Variants in LRRC4C observed in about 807,000 individuals in gnomAD.
LRRC4C encodes the protein leucine rich repeat containing 4C, also known as leucine-rich repeat-containing protein 4C.
LRRC4C carries 5 observed loss-of-function variants against 33.6 expected under a neutral mutation model. The ratio of observed to expected loss-of-function variants is 0.15; its 90% CI spans 0.08 to 0.31. The LOEUF (loss-of-function observed/expected upper bound fraction) is 0.31, where lower values mean the gene tolerates loss of function less well. LRRC4C is among the 10% of genes least tolerant of loss of function. LRRC4C has a pLI of 1.00. For missense variants in LRRC4C, 560 were observed against 796.7 expected, an observed-to-expected ratio of 0.70 and a Z score of 3.58; for synonymous variants, 329 against 302.0, an observed-to-expected ratio of 1.09 and a Z score of -0.93.
intron 3 of LRRC4C, among the ~76,000 whole-genome samples, chr11:40,494,489 G>T (rs1332131296): frequency 6.6e-6 from 1 of 151,872 alleles, no homozygotes; most frequent in African/African-American, 2.4e-5. Context: ...TTATATACTG[G>T]GTACCACCAT....
chr11:40,661,443 C>T (rs917482265), intron 2 of LRRC4C, among the ~76,000 whole-genome samples: 1 of 152,138 alleles, frequency 6.6e-6, no homozygotes, highest in Non-Finnish European at 1.5e-5. Context: ...TAAGGAAAAT[C>T]ATATCTATTT....
rs557622751 is a variant in LRRC4C, at chr11:41,135,725, C to T, written c.-495-202002G>A. Reference sequence around the variant, plus strand: ...TCAATAAAAGTGACAACACTTATGCCTTCGTTCTACCTTACTGCTCACTGA... The same window carrying T: ...TCAATAAAAGTGACAACACTTATGCTTTCGTTCTACCTTACTGCTCACTGA... On this transcript the variant is annotated intron_variant, in intron 1 of 6. Transcript: ENST00000528697. 3.3e-5 allele frequency among the ~76,000 whole-genome samples: 5 copies of T among 152,280 alleles called. No homozygotes were observed. In the South Asian group the frequency reaches 1.0e-3, roughly 32 times the overall value.
chr11:40,956,415 G>A (rs925166201), intron 1 of LRRC4C, among the ~76,000 whole-genome samples: 8 of 151,676 alleles, frequency 5.3e-5, no homozygotes, highest in African/African-American at 1.9e-4. Context: ...ATTAATTTCT[G>A]GCAGTCCTTT....
chr11:40,478,364 T>A (rs1953357752), intron 3 of LRRC4C, among the ~76,000 whole-genome samples: 1 of 152,194 alleles, frequency 6.6e-6, no homozygotes. Context: ...TGGCAAGAAC[T>A]TATACTTGAC....
At chr11:41,359,450 G>A (rs940721331) in intron 1 of LRRC4C, among the ~76,000 whole-genome samples, 2 of 152,090 alleles carry the variant, frequency 1.3e-5, no homozygotes, top group Non-Finnish European at 2.9e-5. Flanking sequence ...AGGACAGGGG[G>A]TACATGGGAC....
intron 3 of LRRC4C, among the ~76,000 whole-genome samples, chr11:40,630,602 A>C (rs1011310739): frequency 6.6e-6 from 1 of 152,128 alleles, no homozygotes; most frequent in African/African-American, 2.4e-5. Flanking sequence ...TAAATAAATT[A>C]TCTGAGTTTA....
At chr11:40,571,482 T>C (rs1469081918) in intron 3 of LRRC4C, among the ~76,000 whole-genome samples, 1 of 152,098 alleles carries the variant, frequency 6.6e-6, no homozygotes, top group East Asian at 1.9e-4. Context: ...CATCAGTATA[T>C]AGCTGGACAA....
intron 2 of LRRC4C, among the ~76,000 whole-genome samples, chr11:40,820,305 A>G (rs1182648284): frequency 6.6e-6 from 1 of 152,004 alleles, no homozygotes; most frequent in African/African-American, 2.4e-5. Flanking sequence ...AATTGAAAAT[A>G]GTGTCATAAA....
intron 3 of LRRC4C, among the ~76,000 whole-genome samples, chr11:40,530,462 T>C (rs1418957149): frequency 5.9e-5 from 9 of 151,696 alleles, no homozygotes; most frequent in African/African-American, 2.2e-4. Context: ...AGAAAAAAAA[T>C]GGGGTTATCA....
intron 5 of LRRC4C, among the ~76,000 whole-genome samples, chr11:40,180,254 C>T (rs746064828): frequency 1.3e-5 from 2 of 152,224 alleles, no homozygotes; most frequent in Non-Finnish European, 2.9e-5. Context: ...ACTCATGTAT[C>T]GTAACACAAA....
chr11:40,280,475 G>A (rs1333606867), intron 4 of LRRC4C, among the ~76,000 whole-genome samples: 2 of 152,126 alleles, frequency 1.3e-5, no homozygotes, highest in Admixed American at 6.5e-5. Flanking sequence ...TCTGCGACAC[G>A]GTCCCGCAAC....
intron 1 of LRRC4C, among the ~76,000 whole-genome samples, chr11:41,177,676 C>T (rs746809664): frequency 9.9e-5 from 15 of 152,272 alleles, no homozygotes; most frequent in Middle Eastern, 3.4e-3. Context: ...AAGTGGGTTA[C>T]ATCCCAAGCC....
chr11:40,478,255 A>C (rs1953350091), intron 3 of LRRC4C, among the ~76,000 whole-genome samples: 1 of 152,230 alleles, frequency 6.6e-6, no homozygotes, highest in African/African-American at 2.4e-5. Flanking sequence ...CTAAATAAAA[A>C]TGGAACTTAA....
intron 3 of LRRC4C, among the ~76,000 whole-genome samples, chr11:40,324,024 A>G (rs1945978746): frequency 6.6e-6 from 1 of 152,220 alleles, no homozygotes; most frequent in Non-Finnish European, 1.5e-5. Flanking sequence ...TTCAATGAAC[A>G]AGAAATTCAG....
At chr11:40,512,251 C>T (rs191483296) in intron 3 of LRRC4C, among the ~76,000 whole-genome samples, 8 of 152,076 alleles carry the variant, frequency 5.3e-5, no homozygotes, top group Admixed American at 1.3e-4. Flanking sequence ...GGTACACACC[C>T]GTAGTTCCAG....
chr11:40,171,377 A>C (rs4756579), intron 5 of LRRC4C, among the ~76,000 whole-genome samples: 13,529 of 152,228 alleles, frequency 0.089, 676 homozygotes, highest in South Asian at 0.18. Context: ...GGAGGCAAAA[A>C]TTTATGAACA....
intron 2 of LRRC4C, among the ~76,000 whole-genome samples, chr11:40,859,849 G>A (rs1953987903): frequency 6.6e-6 from 1 of 152,106 alleles, no homozygotes; most frequent in African/African-American, 2.4e-5. Flanking sequence ...GGCCGAGGCG[G>A]GCGGATCGCG....
At chr11:40,550,045 C>T (rs1364630858) in intron 3 of LRRC4C, among the ~76,000 whole-genome samples, 3 of 151,916 alleles carry the variant, frequency 2.0e-5, no homozygotes, top group African/African-American at 7.3e-5. Context: ...CTCATGTCTC[C>T]CTAAGACACC....
At chr11:41,213,442 G>A (rs1946906418) in intron 1 of LRRC4C, among the ~76,000 whole-genome samples, 1 of 152,148 alleles carries the variant, frequency 6.6e-6, no homozygotes, top group South Asian at 2.1e-4. Context: ...AAAAGTGTTA[G>A]CAAACTCGTT....
Sources: allele counts gnomAD v4.1 joint callset (sites outside exome capture counted in the v4.1 genomes callset), GRCh38; gene constraint gnomAD v4.1.1; transcripts MANE v1.5; gene names NCBI Gene and HGNC (gene_info 2026-07-23, HGNC 2026-07-21).